The following TMEM131 variants were observed in gnomAD, a reference collection of about 807,000 sequenced individuals.
TMEM131 encodes the protein transmembrane protein 131.
TMEM131 carries 66 observed loss-of-function variants against 211.6 expected under a neutral mutation model. That is an observed-to-expected ratio of 0.31 (90% CI 0.26 to 0.38). TMEM131 has a LOEUF of 0.38. Ranked by LOEUF, TMEM131 falls within the 10% of genes least tolerant of loss-of-function variation. The probability of loss-of-function intolerance (pLI) is 1.00; values close to 1 mark genes in which losing one functional copy is unlikely to be tolerated. For synonymous variants in TMEM131, 844 were observed against 841.3 expected (o/e 1.00, Z -0.06); for missense variants, 2,036 against 2,299.3 (o/e 0.89, Z 2.34).
chr2:97,917,179 T>C (rs1399885027), intron 2 of TMEM131, among the ~76,000 whole-genome samples: 1 of 152,186 alleles, frequency 6.6e-6, no homozygotes, highest in African/African-American at 2.4e-5. Flanking sequence ...TAAAGTTTTA[T>C]GCCCATTTCT....
At chr2:97,832,793 G>A (rs79656002) in intron 11 of TMEM131, among the ~76,000 whole-genome samples, 2,689 of 152,154 alleles carry the variant, frequency 0.018, 112 homozygotes, top group East Asian at 0.15. Context: ...ACTATCTAAC[G>A]GCACCTCAAT....
intron 1 of TMEM131, among the ~76,000 whole-genome samples, chr2:97,980,340 T>C (rs1573647098): frequency 6.6e-6 from 1 of 152,182 alleles, no homozygotes; most frequent in South Asian, 2.1e-4. Context: ...ATATTGGCTG[T>C]GAAGGAGGCA....
chr2:97,913,256 C>A (rs1464730746), intron 2 of TMEM131: 1 of 152,176 alleles, frequency 6.6e-6, no homozygotes, highest in African/African-American at 2.4e-5. Flanking sequence ...AAAACGTACA[C>A]AGGCCAAGAC....
chr2:97,917,285 C>G (rs1329153200), intron 2 of TMEM131, among the ~76,000 whole-genome samples: 2 of 152,204 alleles, frequency 1.3e-5, no homozygotes, highest in Non-Finnish European at 2.9e-5. Flanking sequence ...TAGTTAATAT[C>G]TGGTCCTTTA....
At chr2:97,847,030 T>A (rs1683472272) in intron 5 of TMEM131, among the ~76,000 whole-genome samples, 1 of 115,488 alleles carries the variant, frequency 8.7e-6, no homozygotes, top group East Asian at 2.8e-4. Flanking sequence ...AACACAAAAA[T>A]TAGTTGGGTG....
At chr2:97,795,406 CTTCT>C (rs1169019134) in intron 28 of TMEM131, among the ~76,000 whole-genome samples, 7 of 151,866 alleles carry the variant, frequency 4.6e-5, no homozygotes, top group Admixed American at 2.6e-4. Flanking sequence ...CTCCTTCTTT[CTTCT>C]TTATCTAAAT....
intron 2 of TMEM131, among the ~76,000 whole-genome samples, chr2:97,914,391 T>C (rs1359535910): frequency 6.6e-6 from 1 of 152,232 alleles, no homozygotes; most frequent in Non-Finnish European, 1.5e-5. Context: ...CTCAGTTTTG[T>C]ATGTCCTCAT....
chr2:97,832,659 C>T (rs1016038435), intron 11 of TMEM131, among the ~76,000 whole-genome samples: 1 of 152,184 alleles, frequency 6.6e-6, no homozygotes, highest in Non-Finnish European at 1.5e-5. Context: ...GGCATCAGCA[C>T]AAATTATAAT....
chr2:97,825,497 G>A (rs993739936), intron 11 of TMEM131, among the ~76,000 whole-genome samples: 21 of 152,060 alleles, frequency 1.4e-4, no homozygotes, highest in African/African-American at 3.1e-4. Context: ...ATGGATCCCC[G>A]GATACAGCAA....
intron 3 of TMEM131, among the ~76,000 whole-genome samples, chr2:97,900,089 G>T (rs1419585575): frequency 6.6e-6 from 1 of 152,034 alleles, no homozygotes; most frequent in Non-Finnish European, 1.5e-5. Context: ...ACTACTGTTG[G>T]GCAAAGTCAT....
chr2:97,983,846 A>C (rs2104653098), intron 1 of TMEM131, among the ~76,000 whole-genome samples: 1 of 152,270 alleles, frequency 6.6e-6, no homozygotes, highest in South Asian at 2.1e-4. Flanking sequence ...CAATAACAGG[A>C]GTTAACTGCT....
intron 19 of TMEM131, among the ~76,000 whole-genome samples, chr2:97,808,430 C>T (rs1681408532): frequency 6.6e-6 from 1 of 152,210 alleles, no homozygotes; most frequent in African/African-American, 2.4e-5. Flanking sequence ...TTGCAAAAGG[C>T]AGCATCTTCT....
intron 4 of TMEM131, among the ~76,000 whole-genome samples, chr2:97,875,216 C>T (rs952926223): frequency 1.3e-5 from 2 of 152,172 alleles, no homozygotes; most frequent in Non-Finnish European, 2.9e-5. Context: ...ATTCATAAAG[C>T]AAGTTCTTAG....
intron 11 of TMEM131, among the ~76,000 whole-genome samples, chr2:97,827,835 G>A (rs1167926368): frequency 6.6e-6 from 1 of 152,184 alleles, no homozygotes; most frequent in African/African-American, 2.4e-5. Flanking sequence ...ACATTCCATA[G>A]ATGGGGGGTT....
intron 11 of TMEM131, among the ~76,000 whole-genome samples, chr2:97,823,910 G>C (rs1393986131): frequency 1.3e-5 from 2 of 152,044 alleles, no homozygotes; most frequent in East Asian, 3.9e-4. Flanking sequence ...GCAAGCCCTG[G>C]GCCCTGAACA....
At chr2:97,980,630 C>T (rs1456815039) in intron 1 of TMEM131, among the ~76,000 whole-genome samples, 2 of 152,094 alleles carry the variant, frequency 1.3e-5, no homozygotes, top group Admixed American at 6.5e-5. Context: ...ATGTTCAAAG[C>T]GGCTTTATTT....
rs1679507831 is a variant in TMEM131 at position 97,772,371 on chromosome 2, T to C, written c.4374A>G (p.Glu1458=). 1.2e-6 allele frequency: 2 copies of C among 1,608,598 alleles called. No individual in the cohort carries two copies. Among genetic ancestry groups the C allele is most frequent in the Non-Finnish European group, 1.7e-6 (2 of 1,178,722 alleles). The change falls in exon 33 of 41, where the codon GAA becomes GAG. Residue 1458 remains glutamate (E), a synonymous_variant. Transcript: ENST00000186436. ...KQAMPEKHES[E]MSQVKQKSKK... ...TGCTTTTTTGCTTCACTTGAGACAT[T>C]TCACTTTCATGTTTTTCAGGCATGG...
At chr2:97,844,605 C>T (rs1407931407) in intron 5 of TMEM131, among the ~76,000 whole-genome samples, 3 of 152,122 alleles carry the variant, frequency 2.0e-5, no homozygotes, top group Admixed American at 6.6e-5. Context: ...TATAGATATA[C>T]TGCTGTACTA....
chr2:97,967,827 T>C (rs757505303), intron 1 of TMEM131, among the ~76,000 whole-genome samples: 1 of 151,988 alleles, frequency 6.6e-6, no homozygotes, highest in African/African-American at 2.4e-5. Flanking sequence ...GCTCTTCTTA[T>C]CATACCATGT....
Sources: allele counts gnomAD v4.1 joint callset (sites outside exome capture counted in the v4.1 genomes callset), GRCh38; gene constraint gnomAD v4.1.1; transcripts MANE v1.5; gene names NCBI Gene and HGNC (gene_info 2026-07-23, HGNC 2026-07-21).